Variants in ADARB1 observed in about 807,000 individuals in gnomAD.
The protein encoded by ADARB1 is double-stranded RNA-specific editase 1.
In ADARB1, 10 loss-of-function variants were observed where a neutral mutation model predicts 52.4. The ratio of observed to expected loss-of-function variants is 0.19; its 90% CI spans 0.12 to 0.32. The LOEUF (loss-of-function observed/expected upper bound fraction) is 0.32, where lower values mean the gene tolerates loss of function less well. Among genes scored for constraint, ADARB1 ranks in the 10% least tolerant of loss-of-function variants. ADARB1 has a pLI of 1.00. For missense variants in ADARB1, 643 were observed against 922.3 expected (o/e 0.70, Z 3.92); for synonymous variants, 349 against 371.1 (o/e 0.94, Z 0.68).
intron 8 of ADARB1, among the ~76,000 whole-genome samples, chr21:45,199,333 C>T (rs1399093965): frequency 2.0e-5 from 3 of 152,158 alleles, no homozygotes; most frequent in Non-Finnish European, 2.9e-5. Context: ...AGCTCATCAT[C>T]CAGAGCTCAG....
At chr21:45,207,657 T>G (rs1259825077) in intron 9 of ADARB1, among the ~76,000 whole-genome samples, 1 of 152,252 alleles carries the variant, frequency 6.6e-6, no homozygotes, top group Non-Finnish European at 1.5e-5. Context: ...ATTGGCCCCC[T>G]TGCTGTGCAC....
intron 1 of ADARB1, among the ~76,000 whole-genome samples, chr21:45,085,663 TC>T (rs1027873753): frequency 2.0e-5 from 3 of 152,226 alleles, no homozygotes; most frequent in African/African-American, 7.2e-5. Flanking sequence ...TGGAATTTTT[TC>T]CCTCTGCACT....
At chr21:45,162,186 G>T (rs770007519) in intron 2 of ADARB1, among the ~76,000 whole-genome samples, 7 of 152,208 alleles carry the variant, frequency 4.6e-5, no homozygotes, top group African/African-American at 1.7e-4. Flanking sequence ...GGGCAGTGAC[G>T]CCCCCTTTGG....
intron 1 of ADARB1, among the ~76,000 whole-genome samples, chr21:45,107,320 A>G (rs1481384714): frequency 6.6e-6 from 1 of 152,256 alleles, no homozygotes; most frequent in Non-Finnish European, 1.5e-5. Context: ...TGTGATGCTA[A>G]TATTTGAAAG....
intron 2 of ADARB1, among the ~76,000 whole-genome samples, chr21:45,164,818 G>A (rs1453099907): frequency 6.6e-6 from 1 of 152,178 alleles, no homozygotes; most frequent in Non-Finnish European, 1.5e-5. Flanking sequence ...AGTGGTAACA[G>A]CAGCGCAGAA....
intron 8 of ADARB1, among the ~76,000 whole-genome samples, chr21:45,193,752 GTTGAAA>G (rs2092358670): frequency 6.6e-6 from 1 of 152,214 alleles, no homozygotes; most frequent in African/African-American, 2.4e-5. Flanking sequence ...GCAACAAGCA[GTTGAAA>G]TTGAAATGTG....
At chr21:45,103,997 C>G (rs2087137743) in intron 1 of ADARB1, among the ~76,000 whole-genome samples, 1 of 152,160 alleles carries the variant, frequency 6.6e-6, no homozygotes, top group African/African-American at 2.4e-5. Flanking sequence ...AGTCAGGGCA[C>G]ACTTATCGAA....
intron 1 of ADARB1, among the ~76,000 whole-genome samples, chr21:45,114,266 G>T (rs143644595): frequency 4.5e-4 from 69 of 152,334 alleles, no homozygotes; most frequent in African/African-American, 1.6e-3. Flanking sequence ...CTTATCAGCT[G>T]TGTCAAGTCA....
At chr21:45,078,032 C>T (rs1332639475) in intron 1 of ADARB1, among the ~76,000 whole-genome samples, 2 of 152,266 alleles carry the variant, frequency 1.3e-5, no homozygotes, top group East Asian at 3.9e-4. Flanking sequence ...TGGGCTAGGG[C>T]CATTAATATC....
In ADARB1 at chr21:45,137,507, C is replaced by T. The variant is rs142629702; in HGVS notation, c.-48+8934C>T. ...CTTCGGGTGTGCCAGGAGCTTTGTG[C>T]TTTAGTGACCAACAGTCCCCTGATG... On this transcript the variant is annotated intron_variant, in intron 2 of 10. Transcript: ENST00000348831. Among the ~76,000 whole-genome samples, 620 of 152,270 alleles carry T rather than the reference C, an allele frequency of 4.1e-3. 8 individuals carry two copies. The highest frequency in any genetic ancestry group is 1.6e-3 in the Non-Finnish European group (108 of 68,024).
Position 45,222,415 on chromosome 21 carries a change from G to A in ADARB1, c.*218G>A, listed in dbSNP as rs2092982809. On this transcript the variant is annotated 3_prime_UTR_variant, in exon 11 of 11. Coordinates refer to ENST00000348831, the MANE Select transcript of ADARB1 (RefSeq NM_001112.4). ...ATGGGGTGCGTCAGGGCCCAGCATC[G>A]CCGCCTGGCATCTCTCTGCCGCAGC... 7.0e-6 allele frequency: 9 copies of A among 1,292,354 alleles called. No homozygotes were observed. The East Asian group carries it at 1.9e-4, about 27-fold the overall frequency. 80.1% of individuals were successfully genotyped at this position (1,292,354 alleles called of 1,614,324 possible). A position where few individuals can be genotyped will look rare whatever the true frequency, so the allele number is the denominator to read the frequency against.
chr21:45,221,096 T>G lies in ADARB1; in HGVS notation c.1926+82T>G. On this transcript the variant is annotated intron_variant, in intron 10 of 10. Coordinates refer to ENST00000348831, the MANE Select transcript of ADARB1 (RefSeq NM_001112.4). The surrounding 1 kb of genome is among the most constrained non-coding windows in gnomAD (Gnocchi z 4.9). ...TCCTCACACCTACTGTTCCTTAAGT[T>G]GTTTCATCATGTCATCATGCACAGC... 7.0e-7 allele frequency: 1 copy of G among 1,424,720 alleles called. No individual in the cohort carries two copies. The highest frequency in any genetic ancestry group is 2.2e-5 in the Admixed American group (1 of 45,332). The allele number at this position is 1,424,720 out of a possible 1,614,324, so 88.3% of individuals were successfully genotyped here. A position where few individuals can be genotyped will look rare whatever the true frequency, so the allele number is the denominator to read the frequency against.
intron 2 of ADARB1, among the ~76,000 whole-genome samples, chr21:45,170,237 A>C (rs1014322210): frequency 1.3e-5 from 2 of 152,250 alleles, no homozygotes; most frequent in Non-Finnish European, 2.9e-5. Flanking sequence ...TAAATACTTC[A>C]GTATATGTCA....
At chr21:45,084,015 A>T (rs1481197413) in intron 1 of ADARB1, among the ~76,000 whole-genome samples, 3 of 152,226 alleles carry the variant, frequency 2.0e-5, no homozygotes, top group Non-Finnish European at 2.9e-5. Flanking sequence ...AGCATCTCTT[A>T]TAAGCTGTTT....
intron 5 of ADARB1, among the ~76,000 whole-genome samples, chr21:45,181,728 C>G (rs892519054): frequency 9.2e-5 from 14 of 152,260 alleles, no homozygotes; most frequent in African/African-American, 3.4e-4. Context: ...AGCCAGGACG[C>G]TGGAGCACTT....
chr21:45,141,488 A>T (rs181805453), intron 2 of ADARB1, among the ~76,000 whole-genome samples: 12 of 152,324 alleles, frequency 7.9e-5, no homozygotes, highest in African/African-American at 2.9e-4. Context: ...TCAAATTTAT[A>T]TTCAGAGCTC....
At chr21:45,083,209 T>C (rs112094226) in intron 1 of ADARB1, among the ~76,000 whole-genome samples, 26 of 152,360 alleles carry the variant, frequency 1.7e-4, no homozygotes, top group Admixed American at 5.9e-4. Flanking sequence ...AAGGAGAGAA[T>C]AACTTTAACT....
chr21:45,208,627 T>C lies in ADARB1; in HGVS notation c.1747+3891T>C, dbSNP rs1601986638. Among the ~76,000 whole-genome samples the C allele has an allele frequency of 6.7e-6, 1 of 150,352 alleles. No individual in the cohort carries two copies. The highest frequency in any genetic ancestry group is 1.5e-5 in the Non-Finnish European group (1 of 67,430). On this transcript the variant is annotated intron_variant, in intron 9 of 10. Transcript: ENST00000348831. This position sits in a 1 kb window ranked among gnomAD's most constrained non-coding sequence, Gnocchi z 5.6. ...GAAAGTGTGTGTGTGTATGTGTGCGTGTGTGTGTGTGTGAGTGCATGTGAG... is the reference window on the plus strand; with the variant it reads ...GAAAGTGTGTGTGTGTATGTGTGCGCGTGTGTGTGTGTGAGTGCATGTGAG...
chr21:45,111,711 C>T (rs1203417026), intron 1 of ADARB1, among the ~76,000 whole-genome samples: 2 of 152,138 alleles, frequency 1.3e-5, no homozygotes, highest in East Asian at 1.9e-4. Flanking sequence ...GTTGCCTGTT[C>T]GTTTTTACTG....
Sources: allele counts gnomAD v4.1 joint callset (sites outside exome capture counted in the v4.1 genomes callset), GRCh38; gene constraint gnomAD v4.1.1; non-coding constraint Gnocchi (gnomAD v3.1); transcripts MANE v1.5; gene names NCBI Gene and HGNC (gene_info 2026-07-23, HGNC 2026-07-21).